The following LASP1NB variants were observed in gnomAD, a reference collection of about 807,000 sequenced individuals.
The protein encoded by LASP1NB is LASP1 neighbor, also known as LASP1 neighbor protein.
the LASP1NB span, chr17:38,926,589 A>G: frequency 6.6e-6 from 1 of 152,224 alleles, no homozygotes; most frequent in Non-Finnish European, 1.5e-5. Flanking sequence ...GGGCTGGCAG[A>G]TACTGCATAT....
At chr17:38,929,193 TATAAC>T in the LASP1NB span, 1 of 152,236 alleles carries the variant, frequency 6.6e-6, no homozygotes, top group African/African-American at 2.4e-5. Context: ...TATGCTAGCT[TATAAC>T]AGGGTTTTAC....
the LASP1NB span, chr17:38,925,921 A>G: frequency 2.5e-6 from 1 of 395,532 alleles, no homozygotes; most frequent in South Asian, 1.4e-4. Flanking sequence ...AAGAAAAGAA[A>G]AAAAGAAAGA....
the LASP1NB span, chr17:38,929,380 AACC>A: frequency 1.1e-4 from 16 of 151,984 alleles, no homozygotes; most frequent in East Asian, 2.9e-3. Flanking sequence ...ATGAGATAAA[AACC>A]ACTCTGAAGA....
At chr17:38,927,306 C>T in the LASP1NB span, 4 of 152,158 alleles carry the variant, frequency 2.6e-5, no homozygotes, top group Non-Finnish European at 5.9e-5. Context: ...ATTTTCCTTT[C>T]TTGCTTAAAA....
the LASP1NB span, chr17:38,925,914 A>T: frequency 1.8e-5 from 7 of 394,508 alleles, no homozygotes; most frequent in Admixed American, 2.7e-4. Context: ...AAAAAAAAAG[A>T]AAAGAAAAAA....
At chr17:38,926,088 G>A in the LASP1NB span, among the ~76,000 whole-genome samples, 1 of 152,118 alleles carries the variant, frequency 6.6e-6, no homozygotes, top group Non-Finnish European at 1.5e-5. Flanking sequence ...AATGATGGAT[G>A]TGGTGGGGAG....
the LASP1NB span, chr17:38,927,214 T>C: frequency 6.6e-6 from 1 of 152,308 alleles, no homozygotes; most frequent in East Asian, 1.9e-4. Context: ...AAACTATGTA[T>C]TTTGGGATTC....
At chr17:38,928,497 T>G in the LASP1NB span, 1 of 152,124 alleles carries the variant, frequency 6.6e-6, no homozygotes, top group African/African-American at 2.4e-5. Context: ...AAAATTTAAC[T>G]GCAAAACTCT....
At chr17:38,926,339 T>C in the LASP1NB span, 2 of 152,296 alleles carry the variant, frequency 1.3e-5, no homozygotes, top group Non-Finnish European at 2.9e-5. Flanking sequence ...CTGTGGGATA[T>C]GGTGGAGAGG....
the LASP1NB span, chr17:38,925,944 A>G: frequency 2.6e-6 from 1 of 388,386 alleles, no homozygotes; most frequent in African/African-American, 2.1e-5. Flanking sequence ...TTGCTTTCCT[A>G]TTTTTTTTCT....
At chr17:38,927,587 G>A in the LASP1NB span, 5 of 151,962 alleles carry the variant, frequency 3.3e-5, no homozygotes, top group South Asian at 1.0e-3. Context: ...CTCCAGCCTG[G>A]GAGACATAGC....
At chr17:38,927,062 A>G in the LASP1NB span, 1 of 152,028 alleles carries the variant, frequency 6.6e-6, no homozygotes, top group Non-Finnish European at 1.5e-5. Context: ...AGATGGCTAT[A>G]CTTATTTAGG....
chr17:38,927,044 TAGAA>T, the LASP1NB span: 2 of 152,066 alleles, frequency 1.3e-5, no homozygotes, highest in East Asian at 3.9e-4. Flanking sequence ...TTATAAATGA[TAGAA>T]ACAAGATGGC....
the LASP1NB span, chr17:38,928,086 A>C: frequency 2.0e-5 from 3 of 152,106 alleles, no homozygotes; most frequent in Non-Finnish European, 4.4e-5. Context: ...GACAAGAAAA[A>C]ACACTATTCT....
the LASP1NB span, chr17:38,927,024 C>T: frequency 6.6e-6 from 1 of 151,964 alleles, no homozygotes; most frequent in Admixed American, 6.6e-5. Context: ...TCTCTTTGCA[C>T]CTGATTGAAT....
chr17:38,928,413 T>C, the LASP1NB span: 1 of 152,346 alleles, frequency 6.6e-6, no homozygotes, highest in East Asian at 1.9e-4. Flanking sequence ...AGAATTCCCA[T>C]GGAACGAACT....
chr17:38,927,137 T>C, the LASP1NB span: 1 of 151,988 alleles, frequency 6.6e-6, no homozygotes, highest in African/African-American at 2.4e-5. Flanking sequence ...TGTGTGTGTG[T>C]GTTTTAATCA....
the LASP1NB span, chr17:38,925,788 C>G: frequency 2.5e-6 from 1 of 398,540 alleles, no homozygotes; most frequent in African/African-American, 2.1e-5. Flanking sequence ...GGAGCTGCGG[C>G]CGGAGCCTGC....
the LASP1NB span, chr17:38,925,908 AAAAAG>A: frequency 2.5e-6 from 1 of 396,392 alleles, no homozygotes; most frequent in African/African-American, 2.1e-5. Context: ...ATTCCAAAAA[AAAAAG>A]AAAAGAAAAA....
Sources: allele counts gnomAD v4.1 joint callset (sites outside exome capture counted in the v4.1 genomes callset), GRCh38; gene constraint gnomAD v4.1.1; transcripts MANE v1.5; gene names NCBI Gene and HGNC (gene_info 2026-07-23, HGNC 2026-07-21).